Variants in HELQ observed in about 807,000 individuals in gnomAD.
HELQ encodes the protein helicase POLQ-like.
In HELQ, 77 loss-of-function variants were observed where a neutral mutation model predicts 111.6. That is an observed-to-expected ratio of 0.69 (90% CI 0.57 to 0.83). The LOEUF is 0.83. Ranked by LOEUF, HELQ falls within the 40% of genes least tolerant of loss-of-function variation. HELQ has a pLI of 0.00. For synonymous variants in HELQ, 438 were observed against 454.7 expected, an observed-to-expected ratio of 0.96 and a Z score of 0.47; for missense variants, 1,200 against 1,288.5, an observed-to-expected ratio of 0.93 and a Z score of 1.05.
At chr4:83,444,394 T>A (rs913143235) in intron 5 of HELQ, among the ~76,000 whole-genome samples, 9 of 152,256 alleles carry the variant, frequency 5.9e-5, no homozygotes, top group African/African-American at 2.2e-4. Flanking sequence ...TTTATTTATT[T>A]TTTTGAGACA....
At chr4:83,432,309 C>A in intron 9 of HELQ, 42 bp from the exon 10 acceptor site, 1 of 1,402,682 alleles carries the variant, frequency 7.1e-7, no homozygotes, top group African/African-American at 1.5e-5. Context: ...GCAAACAGCA[C>A]CAATTTAAAA....
intron 8 of HELQ, among the ~76,000 whole-genome samples, chr4:83,437,709 T>C (rs1413597095): frequency 6.6e-6 from 1 of 152,094 alleles, no homozygotes; most frequent in Non-Finnish European, 1.5e-5. Flanking sequence ...ATTCCTGTAC[T>C]TCCTTTGAAT....
At chr4:83,414,968 C>T (rs1329522227) in intron 17 of HELQ, among the ~76,000 whole-genome samples, 2 of 152,146 alleles carry the variant, frequency 1.3e-5, no homozygotes, top group East Asian at 1.9e-4. Flanking sequence ...GGGGGTAACA[C>T]TGACTTTGTC....
At chr4:83,443,777 G>A (rs564842892) in intron 5 of HELQ, among the ~76,000 whole-genome samples, 163 bp from the exon 6 acceptor site, 245 of 152,292 alleles carry the variant, frequency 1.6e-3, no homozygotes, top group Non-Finnish European at 2.6e-3. Context: ...TGGGTGCCTG[G>A]CTCACATCTG....
In HELQ at chr4:83,446,451, C is replaced by A. The variant is rs112496354; in HGVS notation, c.1393-365G>T. ...CCTCCCGAGTGGCTGGGATTACAGG[C>A]GCCCACCACCACGCCCGGCTAATTT... On this transcript the variant is annotated intron_variant, in intron 4 of 17. Transcript: ENST00000295488. Among the ~76,000 whole-genome samples, 12 of 152,052 alleles carry A rather than the reference C, an allele frequency of 7.9e-5. No homozygotes were observed. In the East Asian group the frequency reaches 2.3e-3, roughly 29 times the overall value.
intron 17 of HELQ, among the ~76,000 whole-genome samples, chr4:83,412,513 T>A (rs1192280600): frequency 6.6e-6 from 1 of 152,144 alleles, no homozygotes; most frequent in African/African-American, 2.4e-5. Context: ...AGAACTCTAA[T>A]CTGATCATTG....
At chr4:83,445,644 A>T (rs192623292) in intron 5 of HELQ, among the ~76,000 whole-genome samples, 3 of 152,312 alleles carry the variant, frequency 2.0e-5, no homozygotes, top group Non-Finnish European at 2.9e-5. Flanking sequence ...CAGTAGCAGC[A>T]GCAAACCCTT....
Position 83,446,937 on chromosome 4 carries a change from C to A in HELQ, c.1290G>T (p.Lys430Asn). The A allele has an allele frequency of 6.2e-7, 1 of 1,612,458 alleles. No individual in the cohort carries two copies. The highest frequency in any genetic ancestry group is 1.7e-5 in the Admixed American group (1 of 60,016). ...CAATAGTGGCAATATAGAGTGATTT[C>A]TTTTCCCTTCTTTTAGTTGGAGGAA... ...GRFPPTKRREKKSLYIATIEK... is the reference protein window; with the variant it reads ...GRFPPTKRRENKSLYIATIEK... The change falls in exon 4 of 18, where the codon AAG becomes AAT. Residue 430 changes from lysine (K) to asparagine (N), a missense_variant. Around this residue, in one of 3 missense-constraint regions of HELQ, gnomAD observed 610 missense variants for 607.1 expected, o/e 1.00. Transcript: ENST00000295488.
intron 5 of HELQ, among the ~76,000 whole-genome samples, chr4:83,443,923 TAGTCCCAGCTACTTAGG>T (rs1198346829): frequency 6.6e-6 from 1 of 152,078 alleles, no homozygotes; most frequent in Non-Finnish European, 1.5e-5. Flanking sequence ...TGCACGCCTG[TAGTCCCAGCTACTTAGG>T]AGGCTGAGGT....
intron 9 of HELQ, among the ~76,000 whole-genome samples, chr4:83,432,514 T>G (rs1191795747): frequency 6.6e-6 from 1 of 152,152 alleles, no homozygotes; most frequent in Non-Finnish European, 1.5e-5. Flanking sequence ...ACAACTCAGT[T>G]AACTGACTTA....
chr4:83,437,436 G>A (rs1036157533), intron 8 of HELQ, among the ~76,000 whole-genome samples: 1 of 151,824 alleles, frequency 6.6e-6, no homozygotes, highest in East Asian at 1.9e-4. Context: ...AGTGAAGCAA[G>A]ACCACCTCTA....
intron 1 of HELQ, 47 bp from the exon 2 acceptor site, chr4:83,453,992 G>T: frequency 1.7e-6 from 2 of 1,171,006 alleles, no homozygotes; most frequent in South Asian, 1.4e-5. Context: ...GTTTCATTAA[G>T]AATAAAAGCT....
At chr4:83,445,309 T>C (rs1720993583) in intron 5 of HELQ, among the ~76,000 whole-genome samples, 2 of 152,208 alleles carry the variant, frequency 1.3e-5, no homozygotes, top group South Asian at 4.1e-4. Flanking sequence ...AAATAGTGCC[T>C]AGCACACAGT....
chr4:83,409,248 T>C (rs1014301903), intron 17 of HELQ, among the ~76,000 whole-genome samples: 2 of 151,992 alleles, frequency 1.3e-5, no homozygotes, highest in African/African-American at 4.8e-5. Context: ...TATACAAAAC[T>C]ACTATATAAA....
intron 4 of HELQ, among the ~76,000 whole-genome samples, chr4:83,446,363 A>G (rs960314148): frequency 1.3e-5 from 2 of 152,062 alleles, no homozygotes; most frequent in African/African-American, 2.4e-5. Flanking sequence ...CTGGAGTGCA[A>G]TGGCGTGATC....
intron 3 of HELQ, 23 bp from the exon 4 acceptor site, chr4:83,447,058 GA>G: frequency 6.5e-7 from 1 of 1,543,538 alleles, no homozygotes. Flanking sequence ...TTAAAATAAA[GA>G]AAAATTGGCC....
chr4:83,453,653 G>A lies in HELQ; in HGVS notation c.590C>T (p.Ser197Phe). The A allele has an allele frequency of 6.2e-7, 1 of 1,614,088 alleles. No homozygotes were observed. Among genetic ancestry groups the A allele is most frequent in the South Asian group, 1.1e-5 (1 of 91,080 alleles). ...ATTTTCAAAGTATATAGCCTGTGAG[G>A]AAGGTACATCATACAAAAGATCAGC... is the stretch of plus-strand genomic sequence containing the variant. ...PGADLLYDVP[S>F]SQAIYFENLQ... The change falls in exon 2 of 18, where the codon TCC becomes TTC. Residue 197 changes from serine to phenylalanine, a missense_variant. Physicochemically the swap from Ser to Phe is radical, Grantham distance 155. Around this residue, in one of 3 missense-constraint regions of HELQ, gnomAD observed 610 missense variants for 607.1 expected, o/e 1.00. Transcript: ENST00000295488.
rs1578114455 is a variant in HELQ at position 83,455,791 on chromosome 4, T to C, written c.-98A>G. The C allele has an allele frequency of 8.1e-7, 1 of 1,238,968 alleles. No homozygotes were observed. The highest frequency in any genetic ancestry group is 1.4e-5 in the South Asian group (1 of 73,592). The allele number at this position is 1,238,968 out of a possible 1,614,324, so 76.7% of individuals were successfully genotyped here. A position where few individuals can be genotyped will look rare whatever the true frequency, so the allele number is the denominator to read the frequency against. On this transcript the variant is annotated 5_prime_UTR_variant, in exon 1 of 18. The change abolishes an upstream ATG in the 5' untranslated region. Coordinates refer to ENST00000295488, the MANE Select transcript of HELQ (RefSeq NM_133636.5). ...TGGGACGCCGGAGCCCGCTTCTACA[T>C]CCACCTTGGGAAAAGACCCCAAGTT... is the stretch of plus-strand genomic sequence containing the variant.
chr4:83,451,106 T>C (rs6839823), intron 2 of HELQ, among the ~76,000 whole-genome samples: 20,421 of 152,208 alleles, frequency 0.13, 4,533 homozygotes, highest in African/African-American at 0.46. Context: ...GGTCATGTTA[T>C]TAAGCCAGAT....
Sources: allele counts gnomAD v4.1 joint callset (sites outside exome capture counted in the v4.1 genomes callset), GRCh38; gene constraint gnomAD v4.1.1; regional missense constraint gnomAD v4.1.1; transcripts MANE v1.5; gene names NCBI Gene and HGNC (gene_info 2026-07-23, HGNC 2026-07-21).